The following DYM variants were observed in gnomAD, a reference collection of about 807,000 sequenced individuals.
DYM encodes dymeclin, also known as dyggve-Melchior-Clausen syndrome protein.
Under a neutral mutation model 93.1 loss-of-function variants are expected in DYM, and 78 were observed. That is an observed-to-expected ratio of 0.84 (90% confidence interval 0.70 to 1.01). The LOEUF (loss-of-function observed/expected upper bound fraction) is 1.01. DYM is among the 50% of genes least tolerant of loss of function. The pLI is 0.00. For synonymous variants in DYM, 321 were observed against 319.7 expected, an observed-to-expected ratio of 1.00 and a Z score of -0.04; for missense variants, 789 against 845.0, an observed-to-expected ratio of 0.93 and a Z score of 0.82.
chr18:49,163,631 A>T, intron 15 of DYM, 54 bp downstream of exon 15: 1 of 1,179,452 alleles, frequency 8.5e-7, no homozygotes, highest in Non-Finnish European at 1.2e-6. Flanking sequence ...GGCAGGAGTT[A>T]CTGTGCCTGG....
intron 17 of DYM, among the ~76,000 whole-genome samples, chr18:49,072,590 G>A (rs933625351): frequency 3.9e-5 from 6 of 152,334 alleles, no homozygotes; most frequent in Non-Finnish European, 7.3e-5. Context: ...ACCAGATTTC[G>A]TCAGTGAGGT....
In DYM at chr18:49,286,590, C is replaced by G; in HGVS notation, c.790G>C (p.Gly264Arg). ...GCAGCCGCTTTGCTGCCCACACCAC[C>G]TAGTGTGAAGACAGTCCAGAGTCCT... ...ATGLWTVFTLGGVGSKAAASP... is the reference protein window; with the variant it reads ...ATGLWTVFTLRGVGSKAAASP... Residue 264 changes from glycine (G) to arginine (R), a missense_variant, in exon 9 of 18, where the codon GGT becomes CGT. Coordinates refer to ENST00000675505, the MANE Select transcript of DYM (RefSeq NM_001353214.3). The G allele has an allele frequency of 6.2e-7, 1 of 1,614,018 alleles. No homozygotes were observed. The highest frequency in any genetic ancestry group is 1.1e-5 in the South Asian group (1 of 91,078).
intron 13 of DYM, among the ~76,000 whole-genome samples, chr18:49,243,231 T>A (rs1162240496): frequency 1.3e-5 from 2 of 152,080 alleles, no homozygotes; most frequent in Non-Finnish European, 2.9e-5. Flanking sequence ...GACAATAAGC[T>A]CTCTGAAGAC....
intron 2 of DYM, among the ~76,000 whole-genome samples, chr18:49,409,109 C>A (rs1013134624): frequency 3.3e-5 from 5 of 151,886 alleles, no homozygotes; most frequent in Non-Finnish European, 5.9e-5. Context: ...CATAGCGAAA[C>A]CCCGTCTCTA....
intron 17 of DYM, among the ~76,000 whole-genome samples, chr18:49,086,522 A>T (rs190776767): frequency 2.0e-5 from 3 of 152,262 alleles, no homozygotes; most frequent in Admixed American, 2.0e-4. Context: ...TTTGGAGGGG[A>T]CATTCAAACC....
At chr18:49,214,484 TCCTTGGTG>T (rs1383997861) in intron 13 of DYM, among the ~76,000 whole-genome samples, 1 of 151,752 alleles carries the variant, frequency 6.6e-6, no homozygotes, top group African/African-American at 2.4e-5. Flanking sequence ...ACAAAACTGG[TCCTTGGTG>T]CAACAAAGGT....
intron 8 of DYM, among the ~76,000 whole-genome samples, chr18:49,329,281 T>C (rs1227844330): frequency 2.2e-5 from 1 of 45,030 alleles, no homozygotes; most frequent in African/African-American, 8.7e-5. Flanking sequence ...CTGGGGCCTG[T>C]TGTGGGGTGG....
chr18:49,108,213 G>A (rs552623939), intron 16 of DYM, among the ~76,000 whole-genome samples: 4 of 152,218 alleles, frequency 2.6e-5, no homozygotes, highest in Non-Finnish European at 5.9e-5. Flanking sequence ...GCCAGGCACG[G>A]GATATAATCT....
At chr18:49,431,315 A>C (rs1459146327) in intron 1 of DYM, among the ~76,000 whole-genome samples, 1 of 152,228 alleles carries the variant, frequency 6.6e-6, no homozygotes, top group African/African-American at 2.4e-5. Context: ...TAAACCATGC[A>C]CATTTTTACG....
chr18:49,229,952 G>A (rs181998663), intron 13 of DYM, among the ~76,000 whole-genome samples: 1 of 152,094 alleles, frequency 6.6e-6, no homozygotes. Context: ...ATACACACAA[G>A]AACATGGATA....
rs1329844679 is a variant in DYM at position 49,069,520 on chromosome 18, A to G, written c.2026-25316T>C. Among the ~76,000 whole-genome samples the G allele has an allele frequency of 2.0e-5, 3 of 152,224 alleles. No individual in the cohort carries two copies. The East Asian group carries it at 5.8e-4, about 29-fold the overall frequency. On this transcript the variant is annotated intron_variant, in intron 17 of 17. Transcript: ENST00000675505. ...TGGTATATTTTCATGAGTAGCATGT[A>G]AAAGTTCTTATAAGATACTGAAAAG...
chr18:49,136,128 C>T (rs1034684737), intron 15 of DYM, among the ~76,000 whole-genome samples: 1 of 152,242 alleles, frequency 6.6e-6, no homozygotes, highest in Non-Finnish European at 1.5e-5. Flanking sequence ...GGCCCAGCCA[C>T]TGCCATTCAA....
chr18:49,327,791 C>G (rs2063006799), intron 8 of DYM, among the ~76,000 whole-genome samples: 1 of 152,212 alleles, frequency 6.6e-6, no homozygotes, highest in Admixed American at 6.5e-5. Context: ...TGACAGACAT[C>G]ATTCTTACAA....
chr18:49,258,781 G>GACACAC (rs61429427), intron 11 of DYM, among the ~76,000 whole-genome samples: 84 of 112,416 alleles, frequency 7.5e-4, no homozygotes, highest in Middle Eastern at 4.5e-3. Context: ...AGGGATCATA[G>GACACAC]ACACACACAC....
chr18:49,096,305 A>C (rs1365734985), intron 17 of DYM, among the ~76,000 whole-genome samples: 1 of 152,178 alleles, frequency 6.6e-6, no homozygotes, highest in East Asian at 1.9e-4. Context: ...AACTTCAGTA[A>C]ATGATTATGA....
At chr18:49,441,229 T>A (rs1293988910) in intron 1 of DYM, among the ~76,000 whole-genome samples, 9 of 40,784 alleles carry the variant, frequency 2.2e-4, no homozygotes, top group South Asian at 1.4e-3. Context: ...ATAATTATAT[T>A]ATATATAATA....
intron 17 of DYM, among the ~76,000 whole-genome samples, chr18:49,063,990 T>C (rs2076198321): frequency 6.6e-6 from 1 of 152,126 alleles, no homozygotes; most frequent in Non-Finnish European, 1.5e-5. Context: ...AGAAGCACTT[T>C]AGACATTGGG....
intron 14 of DYM, among the ~76,000 whole-genome samples, chr18:49,167,099 T>C (rs2088000417): frequency 6.6e-6 from 1 of 150,956 alleles, no homozygotes; most frequent in South Asian, 2.1e-4. Context: ...GTAACTCTCA[T>C]TATCAATTTA....
At position 49,041,406 on chromosome 18, in the gene DYM, C is replaced by G. The variant is rs1213100867; in HGVS notation, c.*2649G>C. 6.6e-6 allele frequency: 1 copy of G among 152,224 alleles called. No individual in the cohort carries two copies. The highest frequency in any genetic ancestry group is 1.5e-5 in the Non-Finnish European group (1 of 68,042). 9.4% of individuals were successfully genotyped at this position (152,224 alleles called of 1,614,324 possible). ...AACACACGATGATCCTGTGTTGCAT[C>G]ATTACACATTTTTACTTCGTGTAAA... is the stretch of plus-strand genomic sequence containing the variant. On this transcript the variant is annotated 3_prime_UTR_variant, in exon 18 of 18. Coordinates refer to ENST00000675505, the MANE Select transcript of DYM (RefSeq NM_001353214.3).
Sources: gnomAD v4.1 joint callset for allele counts (sites outside exome capture counted in the v4.1 genomes callset) on GRCh38, gnomAD v4.1.1 for gene constraint, MANE v1.5 for transcripts, NCBI Gene and HGNC (gene_info 2026-07-23, HGNC 2026-07-21) for gene names.